GALNT10: variants seen among roughly 807,000 people sequenced by gnomAD.
GALNT10 encodes GalNAc transferase 10.
In GALNT10, 41 loss-of-function variants were observed where a neutral mutation model predicts 75.0. The ratio of observed to expected loss-of-function variants is 0.55; its 90% CI spans 0.43 to 0.71. GALNT10 has a LOEUF of 0.71. GALNT10 is among the 30% of genes least tolerant of loss of function. The pLI, the probability that GALNT10 is intolerant of heterozygous loss-of-function variation, is 0.00. For synonymous variants in GALNT10, 302 were observed against 313.0 expected (o/e 0.96, Z 0.37); for missense variants, 727 against 818.5 (o/e 0.89, Z 1.36).
intron 4 of GALNT10, among the ~76,000 whole-genome samples, chr5:154,358,771 G>A (rs1034554159): frequency 6.6e-6 from 1 of 152,144 alleles, no homozygotes; most frequent in Non-Finnish European, 1.5e-5. Flanking sequence ...ACGACGCTGA[G>A]GGCCAGGGCA....
intron 1 of GALNT10, among the ~76,000 whole-genome samples, chr5:154,273,586 T>A (rs996364647): frequency 6.6e-6 from 1 of 152,152 alleles, no homozygotes; most frequent in Non-Finnish European, 1.5e-5. Flanking sequence ...GGGCTCAGTT[T>A]GTTTATTAAA....
At chr5:154,247,644 A>T (rs1238271490) in intron 1 of GALNT10, among the ~76,000 whole-genome samples, 1 of 152,070 alleles carries the variant, frequency 6.6e-6, no homozygotes, top group African/African-American at 2.4e-5. Flanking sequence ...AATGCTTGTG[A>T]TTTTTGCACA....
chr5:154,193,328 CT>C (rs995674419), intron 1 of GALNT10, among the ~76,000 whole-genome samples: 1 of 152,208 alleles, frequency 6.6e-6, no homozygotes, highest in African/African-American at 2.4e-5. Context: ...CACACAGCCC[CT>C]TTTTGTTTCA....
chr5:154,356,223 G>C, intron 4 of GALNT10: 1 of 456,168 alleles, frequency 2.2e-6, no homozygotes, highest in South Asian at 1.6e-5. Flanking sequence ...GCTCTGGGAT[G>C]ATGCCAGGAT....
At chr5:154,310,185 T>C (rs1396174204) in intron 3 of GALNT10, among the ~76,000 whole-genome samples, 2 of 152,212 alleles carry the variant, frequency 1.3e-5, no homozygotes, top group Non-Finnish European at 2.9e-5. Flanking sequence ...TTAGTACTTA[T>C]TAGCAGTTTT....
intron 4 of GALNT10, chr5:154,338,220 C>T (rs1754973115): frequency 2.7e-6 from 2 of 747,430 alleles, no homozygotes; most frequent in Non-Finnish European, 4.9e-6. Context: ...TTCATGGCTG[C>T]ATCCATCTTC....
At chr5:154,301,754 T>C in intron 3 of GALNT10, among the ~76,000 whole-genome samples, 1 of 152,144 alleles carries the variant, frequency 6.6e-6, no homozygotes, top group East Asian at 1.9e-4. Flanking sequence ...ATCTGGTACA[T>C]TTTATGTATT....
At chr5:154,340,262 A>G (rs1159569734) in intron 4 of GALNT10, among the ~76,000 whole-genome samples, 1 of 152,186 alleles carries the variant, frequency 6.6e-6, no homozygotes, top group Non-Finnish European at 1.5e-5. Flanking sequence ...TAGCAATAAT[A>G]ATAATGCGAC....
chr5:154,200,314 T>C (rs1467667981), intron 1 of GALNT10, among the ~76,000 whole-genome samples: 2 of 152,146 alleles, frequency 1.3e-5, no homozygotes, highest in African/African-American at 4.8e-5. Flanking sequence ...TGTGTGTGTT[T>C]GTGTAGGTCT....
At chr5:154,342,553 C>G (rs997674205) in intron 4 of GALNT10, among the ~76,000 whole-genome samples, 1 of 152,156 alleles carries the variant, frequency 6.6e-6, no homozygotes, top group Non-Finnish European at 1.5e-5. Flanking sequence ...AAAAGATCCT[C>G]GTACTTTTGG....
At chr5:154,198,439 C>T (rs1254151831) in intron 1 of GALNT10, among the ~76,000 whole-genome samples, 4 of 152,084 alleles carry the variant, frequency 2.6e-5, no homozygotes, top group African/African-American at 4.8e-5. Flanking sequence ...TTCCCTTTGG[C>T]GGAGGTAGGG....
At chr5:154,219,838 T>TCTCTCTCTCA (rs1491445463) in intron 1 of GALNT10, among the ~76,000 whole-genome samples, 2 of 125,556 alleles carry the variant, frequency 1.6e-5, no homozygotes, top group African/African-American at 5.8e-5. Flanking sequence ...TCTCTCTCTC[T>TCTCTCTCTCA]CACACACACA....
intron 4 of GALNT10, among the ~76,000 whole-genome samples, chr5:154,358,731 G>A (rs545634605): frequency 6.6e-6 from 1 of 152,120 alleles, no homozygotes; most frequent in African/African-American, 2.4e-5. Flanking sequence ...CTGGCAAGCA[G>A]GAGAGGGATT....
intron 1 of GALNT10, among the ~76,000 whole-genome samples, chr5:154,221,791 C>G (rs2113656026): frequency 6.6e-6 from 1 of 152,372 alleles, no homozygotes; most frequent in Admixed American, 6.5e-5. Flanking sequence ...TGAGGCCTGT[C>G]TGCCTAGCTT....
At chr5:154,317,330 G>T (rs1265218895) in intron 3 of GALNT10, among the ~76,000 whole-genome samples, 4 of 152,146 alleles carry the variant, frequency 2.6e-5, no homozygotes, top group African/African-American at 9.7e-5. Flanking sequence ...GAAGATTTTT[G>T]AAATACTTCT....
Position 154,294,825 on chromosome 5 carries a change from AG to A in GALNT10, c.170del (p.Ser57IlefsTer15). 1 of 1,514,002 alleles carries A rather than the reference AG, an allele frequency of 6.6e-7. No individual in the cohort carries two copies. Among genetic ancestry groups the A allele is most frequent in the African/African-American group, 1.4e-5 (1 of 73,126 alleles). The allele number at this position is 1,514,002 out of a possible 1,614,324, so 93.8% of individuals were successfully genotyped here. On this transcript the variant is annotated frameshift_variant, in exon 2 of 12. Transcript: ENST00000297107. LOFTEE classifies it high-confidence loss of function. ...TTTGTCTTTTTTTAAGGGCTCACAC[AG>A]TCGACAAAAGAAAACGTTTTTCTTG... is the stretch of plus-strand genomic sequence containing the variant. ...VAPAAGQGSH[S>X]RQKKTFFLGD...
rs1753377803 is a variant in GALNT10 at position 154,243,867 on chromosome 5, C to T, written c.160-50949C>T. Among the ~76,000 whole-genome samples the T allele has an allele frequency of 4.6e-5, 7 of 152,206 alleles. 1 individual carries two copies. The highest frequency in any genetic ancestry group is 4.6e-4 in the Admixed American group (7 of 15,282). ...TTGACAGATATTATAAATTGGTCCC[C>T]ATCTCTTCAGCCACTGGTGGCTTAA... On this transcript the variant is annotated intron_variant, in intron 1 of 11. Transcript: ENST00000297107.
At chr5:154,253,842 C>T (rs983189736) in intron 1 of GALNT10, among the ~76,000 whole-genome samples, 3 of 151,254 alleles carry the variant, frequency 2.0e-5, no homozygotes, top group Admixed American at 6.6e-5. Flanking sequence ...TGTTCCTGTC[C>T]TGCTCAGTTT....
At chr5:154,413,125 C>CA (rs1285709487) in intron 10 of GALNT10, 120 bp downstream of exon 10, 1 of 667,386 alleles carries the variant, frequency 1.5e-6, no homozygotes, top group African/African-American at 1.9e-5. Context: ...AAGAGTCAGC[C>CA]CCGGGGATGA....
Sources: gnomAD v4.1 joint callset for allele counts (sites outside exome capture counted in the v4.1 genomes callset) on GRCh38, gnomAD v4.1.1 for gene constraint, MANE v1.5 for transcripts, NCBI Gene and HGNC (gene_info 2026-07-23, HGNC 2026-07-21) for gene names.